The following SLC48A1 variants were observed in gnomAD, a reference collection of about 807,000 sequenced individuals.
The protein encoded by SLC48A1 is solute carrier family 48 member 1.
In SLC48A1, 6 loss-of-function variants were observed where a neutral mutation model predicts 14.8. The observed-to-expected ratio is 0.41, with a 90% CI of 0.22 to 0.80. SLC48A1 has a LOEUF of 0.80. Among genes scored for constraint, SLC48A1 ranks in the 30% least tolerant of loss-of-function variants. SLC48A1 has a pLI of 0.34. For missense variants in SLC48A1, 165 were observed against 204.8 expected, an observed-to-expected ratio of 0.81 and a Z score of 1.19; for synonymous variants, 89 against 90.0, an observed-to-expected ratio of 0.99 and a Z score of 0.06.
intron 1 of SLC48A1, among the ~76,000 whole-genome samples, chr12:47,776,880 A>G (rs913895583): frequency 2.0e-5 from 3 of 152,088 alleles, no homozygotes; most frequent in Admixed American, 2.0e-4. Flanking sequence ...TCACAGAGGA[A>G]TTGTTCTGAC....
intron 1 of SLC48A1, chr12:47,778,352 G>C (rs1333771938): frequency 6.6e-6 from 1 of 152,268 alleles, no homozygotes; most frequent in Non-Finnish European, 1.5e-5. Context: ...GAACAATAAG[G>C]CCACTCAGGG....
chr12:47,771,441 A>C, upstream of SLC48A1: 2 of 156,764 alleles, frequency 1.3e-5, no homozygotes, highest in Non-Finnish European at 2.8e-5. Context: ...AATGGCCCCC[A>C]AAGATGTCCA....
rs1450652831 is a variant in SLC48A1, at chr12:47,780,436, G to A, written c.*155G>A. The A allele has an allele frequency of 1.7e-6, 2 of 1,198,372 alleles. No homozygotes were observed. Among genetic ancestry groups the A allele is most frequent in the South Asian group, 2.4e-5 (2 of 81,992 alleles). 74.2% of individuals were successfully genotyped at this position (1,198,372 alleles called of 1,614,324 possible). A position where few individuals can be genotyped will look rare whatever the true frequency, so the allele number is the denominator to read the frequency against. ...GTGTGGTCTCCCAGGAAGCTGTCCTGCCCGTCCCCTTTCGAGGAAACCTGA... is the reference window on the plus strand; with the variant it reads ...GTGTGGTCTCCCAGGAAGCTGTCCTACCCGTCCCCTTTCGAGGAAACCTGA... On this transcript the variant is annotated 3_prime_UTR_variant, in exon 3 of 3. Coordinates refer to ENST00000442218, the MANE Select transcript of SLC48A1 (RefSeq NM_017842.3).
intron 1 of SLC48A1, 153 bp from the exon 2 acceptor site, chr12:47,778,875 A>G (rs1942804778): frequency 2.3e-6 from 2 of 856,674 alleles, no homozygotes; most frequent in South Asian, 2.1e-5. Flanking sequence ...CCTGCTTCTG[A>G]TATCACAGCC....
At chr12:47,780,025 G>C in intron 2 of SLC48A1, 120 bp from the exon 3 acceptor site, 1 of 1,281,832 alleles carries the variant, frequency 7.8e-7, no homozygotes, top group Non-Finnish European at 1.1e-6. Flanking sequence ...TGAAGGGTTG[G>C]TTCAGCTGCC....
rs1045902429 is a variant in SLC48A1, at chr12:47,773,265, C to T, written c.-40C>T. The stretch of plus-strand genomic sequence containing the variant: ...CTTCGGGCCCTGCACCTGTGACTCT[C>T]GGCCGCGCTCGCCCTCGGCCCGCCC... On this transcript the variant is annotated 5_prime_UTR_variant, in exon 1 of 3. Transcript: ENST00000442218. 3.0e-6 allele frequency: 4 copies of T among 1,315,760 alleles called. No homozygotes were observed. In the African/African-American group the frequency reaches 4.7e-5, roughly 15 times the overall value. The allele number at this position is 1,315,760 out of a possible 1,614,324, so 81.5% of individuals were successfully genotyped here.
upstream of SLC48A1, chr12:47,758,561 C>G (rs540490433): frequency 1.8e-5 from 29 of 1,613,930 alleles, no homozygotes; most frequent in South Asian, 3.2e-4. Flanking sequence ...CTTCATGTTT[C>G]TTTTCAAGCT....
intron 1 of SLC48A1, among the ~76,000 whole-genome samples, chr12:47,759,428 C>T (rs981846301): frequency 2.4e-4 from 21 of 88,230 alleles, no homozygotes; most frequent in African/African-American, 8.1e-4. Flanking sequence ...CCAGCACACA[C>T]ACACCGGGAG....
chr12:47,761,763 A>G (rs1942385756), intron 2 of SLC48A1, among the ~76,000 whole-genome samples: 1 of 152,218 alleles, frequency 6.6e-6, no homozygotes, highest in East Asian at 1.9e-4. Context: ...ATAAATAATA[A>G]TAAGAATAGT....
At chr12:47,757,150 TG>T (rs1347113446), upstream of SLC48A1, among the ~76,000 whole-genome samples, 1 of 152,088 alleles carries the variant, frequency 6.6e-6, no homozygotes, top group African/African-American at 2.4e-5. Context: ...GAGACATAAC[TG>T]AATCTCAAGC....
At chr12:47,764,864 G>A (rs1942477779) in intron 2 of SLC48A1, among the ~76,000 whole-genome samples, 1 of 152,040 alleles carries the variant, frequency 6.6e-6, no homozygotes, top group African/African-American at 2.4e-5. Context: ...GGATCACGAG[G>A]TCAAGAGATC....
chr12:47,757,001 T>C (rs1021729195), upstream of SLC48A1, among the ~76,000 whole-genome samples: 6 of 150,064 alleles, frequency 4.0e-5, no homozygotes, highest in Non-Finnish European at 8.9e-5. Context: ...AAAAAAGAAA[T>C]GAACTCTCCC....
intron 2 of SLC48A1, among the ~76,000 whole-genome samples, chr12:47,766,538 C>T (rs12815308): frequency 2.0e-5 from 3 of 152,066 alleles, no homozygotes; most frequent in African/African-American, 7.2e-5. Flanking sequence ...TCTGTGATTG[C>T]GGGTTCAGGT....
At chr12:47,760,246 G>A in exon 2 of SLC48A1, 2 of 985,416 alleles carry the variant, frequency 2.0e-6, no homozygotes, top group Non-Finnish European at 2.4e-6. Flanking sequence ...ATTAAGAAAC[G>A]CTGGTGGAGT....
chr12:47,759,149 G>A (rs1487378476), intron 1 of SLC48A1: 45 of 970,288 alleles, frequency 4.6e-5, no homozygotes, highest in Non-Finnish European at 5.5e-5. Flanking sequence ...GGGATCCGGC[G>A]GTGAGTGGCT....
upstream of SLC48A1, chr12:47,757,775 C>G (rs2136828265): frequency 7.8e-7 from 1 of 1,280,726 alleles, no homozygotes; most frequent in South Asian, 1.4e-5. Flanking sequence ...CCAGAGCAAG[C>G]TGGGCCACCA....
At chr12:47,770,862 C>T (rs1400661982), upstream of SLC48A1, 1 of 456,736 alleles carries the variant, frequency 2.2e-6, no homozygotes, top group Admixed American at 2.3e-5. Context: ...CTTACAGTTT[C>T]CCAAAGCGGC....
At chr12:47,769,304 A>C (rs1055547606), upstream of SLC48A1, 8 of 152,298 alleles carry the variant, frequency 5.3e-5, no homozygotes, top group African/African-American at 1.7e-4. Flanking sequence ...ATGGCTGTGC[A>C]TCTTGTAGGG....
upstream of SLC48A1, chr12:47,773,206 C>G (rs1204162112): frequency 4.2e-5 from 44 of 1,043,430 alleles, no homozygotes; most frequent in East Asian, 7.2e-5. Context: ...GGGGCGCCGG[C>G]TGCTCTGGCG....
Sources: allele counts gnomAD v4.1 joint callset (sites outside exome capture counted in the v4.1 genomes callset), GRCh38; gene constraint gnomAD v4.1.1; transcripts MANE v1.5; gene names NCBI Gene and HGNC (gene_info 2026-07-23, HGNC 2026-07-21).